Variants in CDC42BPA observed in about 807,000 individuals in gnomAD.
The protein encoded by CDC42BPA is CDC42 binding protein kinase alpha.
In CDC42BPA, 80 loss-of-function variants were observed where a neutral mutation model predicts 223.5. The ratio of observed to expected loss-of-function variants is 0.36; its 90% CI spans 0.30 to 0.43. CDC42BPA has a LOEUF of 0.43. CDC42BPA is among the 20% of genes least tolerant of loss of function. The probability of loss-of-function intolerance (pLI) is 1.00; values close to 1 mark genes in which losing one functional copy is unlikely to be tolerated. For missense variants in CDC42BPA, 1,743 were observed against 2,099.9 expected (o/e 0.83, Z 3.32); for synonymous variants, 694 against 718.6 (o/e 0.97, Z 0.55).
At chr1:227,242,885 G>A (rs1167217370) in intron 2 of CDC42BPA, among the ~76,000 whole-genome samples, 1 of 152,138 alleles carries the variant, frequency 6.6e-6, no homozygotes, top group East Asian at 1.9e-4. Context: ...TACATTCACT[G>A]CAGCACTATT....
At chr1:227,061,307 C>A (rs1675884591) in intron 21 of CDC42BPA, among the ~76,000 whole-genome samples, 1 of 152,144 alleles carries the variant, frequency 6.6e-6, no homozygotes, top group Non-Finnish European at 1.5e-5. Context: ...CCTTAATAAT[C>A]ATAATAACAT....
intron 35 of CDC42BPA, among the ~76,000 whole-genome samples, chr1:226,999,947 T>TG (rs1170774932): frequency 1.7e-3 from 33 of 19,258 alleles, no homozygotes; most frequent in African/African-American, 0.013. Flanking sequence ...TGGGGCCTGT[T>TG]GGGGGGTGGG....
chr1:227,125,016 T>C (rs1340917618), intron 11 of CDC42BPA, among the ~76,000 whole-genome samples: 1 of 152,078 alleles, frequency 6.6e-6, no homozygotes, highest in Non-Finnish European at 1.5e-5. Flanking sequence ...TTTCTGGGGT[T>C]TCTTCTTGGT....
chr1:227,179,635 C>CAAAAAAAAAAAAAA (rs59744442), intron 5 of CDC42BPA, among the ~76,000 whole-genome samples: 4 of 34,240 alleles, frequency 1.2e-4, no homozygotes, highest in Non-Finnish European at 1.5e-4. Context: ...GCCTCCATCT[C>CAAAAAAAAAAAAAA]AAAAAAAAAA....
chr1:227,202,600 G>GT (rs1671974549), intron 3 of CDC42BPA, among the ~76,000 whole-genome samples: 1 of 151,952 alleles, frequency 6.6e-6, no homozygotes. Flanking sequence ...ATGCTAATCT[G>GT]TTTAACTAAA....
chr1:227,273,701 T>C (rs1686375715), intron 1 of CDC42BPA, among the ~76,000 whole-genome samples: 1 of 151,982 alleles, frequency 6.6e-6, no homozygotes, highest in Non-Finnish European at 1.5e-5. Context: ...TGGGTGGGAC[T>C]GAGACAGGTA....
intron 2 of CDC42BPA, among the ~76,000 whole-genome samples, chr1:227,246,047 G>C (rs904333799): frequency 6.6e-6 from 1 of 152,122 alleles, no homozygotes; most frequent in Non-Finnish European, 1.5e-5. Context: ...TTTCTGGACC[G>C]GCTCTGGGCC....
At chr1:227,073,078 T>A (rs1457481241) in intron 19 of CDC42BPA, among the ~76,000 whole-genome samples, 1 of 152,180 alleles carries the variant, frequency 6.6e-6, no homozygotes, top group East Asian at 1.9e-4. Flanking sequence ...GTTTAAGGAC[T>A]ATGACTACAC....
At chr1:227,249,511 C>A (rs528283364) in intron 2 of CDC42BPA, among the ~76,000 whole-genome samples, 1 of 152,066 alleles carries the variant, frequency 6.6e-6, no homozygotes, top group Non-Finnish European at 1.5e-5. Flanking sequence ...AAGAGACAAC[C>A]CACAGAATGG....
chr1:227,021,643 A>G (rs1008070146), intron 32 of CDC42BPA, among the ~76,000 whole-genome samples: 4 of 152,082 alleles, frequency 2.6e-5, no homozygotes, highest in African/African-American at 9.7e-5. Flanking sequence ...TCACAGAAAA[A>G]CTTCTGATGG....
chr1:227,011,269 T>C (rs961181436), intron 34 of CDC42BPA, among the ~76,000 whole-genome samples: 1 of 152,210 alleles, frequency 6.6e-6, no homozygotes, highest in African/African-American at 2.4e-5. Context: ...GATCATTCTT[T>C]TTTATAAAAT....
At chr1:227,108,111 T>C (rs1174370382) in intron 14 of CDC42BPA, among the ~76,000 whole-genome samples, 1 of 152,222 alleles carries the variant, frequency 6.6e-6, no homozygotes, top group East Asian at 1.9e-4. Context: ...CTACTCTTTA[T>C]TATTTCATTC....
Position 227,317,472 on chromosome 1 carries a change from T to C in CDC42BPA, c.-290A>G, listed in dbSNP as rs1694587713. On this transcript the variant is annotated 5_prime_UTR_variant, in exon 1 of 37. Transcript: ENST00000366766. ...TAAGTCGTATATTTAAATAAAATAA[T>C]AATTAAAAGTACAACGAACTAGAGA... 1 of 388,954 alleles carries C rather than the reference T, an allele frequency of 2.6e-6. No individual in the cohort carries two copies. The highest frequency in any genetic ancestry group is 2.2e-5 in the African/African-American group (1 of 45,926). The allele number at this position is 388,954 out of a possible 1,614,324, so 24.1% of individuals were successfully genotyped here.
At chr1:227,118,822 ATTAAATTGGCAAT>A (rs1168262582) in intron 12 of CDC42BPA, among the ~76,000 whole-genome samples, 1 of 152,152 alleles carries the variant, frequency 6.6e-6, no homozygotes, top group African/African-American at 2.4e-5. Context: ...GACAAATATT[ATTAAATTGGCAAT>A]GAATTTAAAT....
At chr1:227,165,643 T>C (rs1217038491) in intron 5 of CDC42BPA, among the ~76,000 whole-genome samples, 1 of 152,130 alleles carries the variant, frequency 6.6e-6, no homozygotes, top group Non-Finnish European at 1.5e-5. Context: ...AGTGAGAGAA[T>C]GCAGGGAGGA....
rs764619282 is a variant in CDC42BPA, at chr1:227,112,658, CCTGA to C, written c.1890+9_1890+12del. 6 of 1,610,964 alleles carry C rather than the reference CCTGA, an allele frequency of 3.7e-6. No individual in the cohort carries two copies. The highest frequency in any genetic ancestry group is 1.7e-5 in the Admixed American group (1 of 59,518). Reference sequence around the variant, plus strand: ...TATCCCATGGGCACTACAAAATTTGCCTGACTACTAACCTCTTTTTTGGCTCTTT... The same window carrying C: ...TATCCCATGGGCACTACAAAATTTGCCTACTAACCTCTTTTTTGGCTCTTT... On this transcript the variant is annotated intron_variant, in intron 13 of 36. Transcript: ENST00000366766.
intron 35 of CDC42BPA, among the ~76,000 whole-genome samples, chr1:227,002,456 A>C (rs1000094240): frequency 6.6e-6 from 1 of 152,238 alleles, no homozygotes; most frequent in Non-Finnish European, 1.5e-5. Flanking sequence ...TCTTCTTGTC[A>C]ATTGAAAGCT....
chr1:227,226,040 T>C (rs1472318912), intron 2 of CDC42BPA, among the ~76,000 whole-genome samples: 2 of 152,236 alleles, frequency 1.3e-5, no homozygotes, highest in Non-Finnish European at 2.9e-5. Context: ...AAGAGGCAAA[T>C]GTTGAAAAAC....
intron 32 of CDC42BPA, among the ~76,000 whole-genome samples, chr1:227,022,305 T>C (rs1015437189): frequency 4.6e-5 from 7 of 151,832 alleles, no homozygotes; most frequent in African/African-American, 1.7e-4. Context: ...TGGTGGTGCA[T>C]ACCTATAATC....
Sources: allele counts gnomAD v4.1 joint callset (sites outside exome capture counted in the v4.1 genomes callset), GRCh38; gene constraint gnomAD v4.1.1; transcripts MANE v1.5; gene names NCBI Gene and HGNC (gene_info 2026-07-23, HGNC 2026-07-21).